ROBO2: variants seen among roughly 807,000 people sequenced by gnomAD.
ROBO2 encodes roundabout homolog 2.
A neutral mutation model predicts 160.8 loss-of-function variants in ROBO2; 53 were observed. The observed-to-expected ratio is 0.33, with a 90% CI of 0.26 to 0.41. ROBO2 has a LOEUF of 0.41. Ranked by LOEUF, ROBO2 falls within the 10% of genes least tolerant of loss-of-function variation. ROBO2 has a pLI of 1.00. For synonymous variants in ROBO2, 664 were observed against 611.7 expected, an observed-to-expected ratio of 1.09 and a Z score of -1.26; for missense variants, 1,577 against 1,722.4, an observed-to-expected ratio of 0.92 and a Z score of 1.49.
intron 2 of ROBO2, among the ~76,000 whole-genome samples, chr3:77,243,756 C>T (rs1334036519): frequency 1.3e-5 from 2 of 152,170 alleles, no homozygotes; most frequent in East Asian, 3.8e-4. Flanking sequence ...TGATCTATGA[C>T]ACAGGTTAGT....
intron 2 of ROBO2, chr3:76,434,540 TG>T: frequency 1.9e-6 from 3 of 1,581,590 alleles, no homozygotes; most frequent in Non-Finnish European, 2.6e-6. Context: ...GCATGTAGAC[TG>T]GGTCAAAGCT....
chr3:77,197,099 T>C (rs1579876357), intron 2 of ROBO2, among the ~76,000 whole-genome samples: 1 of 152,200 alleles, frequency 6.6e-6, no homozygotes, highest in Non-Finnish European at 1.5e-5. Context: ...AAATATTTTA[T>C]GGAATCATGA....
intron 2 of ROBO2, among the ~76,000 whole-genome samples, chr3:77,116,536 G>A (rs147995589): frequency 0.016 from 2,410 of 151,684 alleles, 38 homozygotes; most frequent in Non-Finnish European, 0.024. Flanking sequence ...CCTTCAGGGT[G>A]TTACTTGCCA....
intron 2 of ROBO2, among the ~76,000 whole-genome samples, chr3:76,097,375 C>T (rs1055281403): frequency 6.6e-6 from 1 of 152,094 alleles, no homozygotes; most frequent in Non-Finnish European, 1.5e-5. Flanking sequence ...AGCAGGGGCT[C>T]CTGCTGAGAA....
At chr3:76,841,078 A>G (rs1000884593) in intron 2 of ROBO2, among the ~76,000 whole-genome samples, 1 of 152,144 alleles carries the variant, frequency 6.6e-6, no homozygotes, top group African/African-American at 2.4e-5. Context: ...AATTCTCCAA[A>G]CACAAATAGG....
At chr3:77,130,334 A>C (rs1007100335) in intron 2 of ROBO2, among the ~76,000 whole-genome samples, 1 of 152,152 alleles carries the variant, frequency 6.6e-6, no homozygotes, top group Non-Finnish European at 1.5e-5. Flanking sequence ...CTGCTTCTTT[A>C]CGACACATTT....
intron 2 of ROBO2, among the ~76,000 whole-genome samples, chr3:76,436,350 C>A (rs796985201): frequency 2.6e-4 from 39 of 152,336 alleles, no homozygotes; most frequent in African/African-American, 9.4e-4. Flanking sequence ...CCTTCCCTGC[C>A]AGGTACCTGT....
At chr3:75,935,850 C>T (rs1001932362) in intron 1 of ROBO2, among the ~76,000 whole-genome samples, 5 of 152,180 alleles carry the variant, frequency 3.3e-5, no homozygotes, top group African/African-American at 7.2e-5. Flanking sequence ...GCTTTGAAAT[C>T]GTCCTGTTTT....
At chr3:76,148,782 T>C (rs1429217955) in intron 2 of ROBO2, among the ~76,000 whole-genome samples, 1 of 152,148 alleles carries the variant, frequency 6.6e-6, no homozygotes, top group African/African-American at 2.4e-5. Context: ...TCTCCATGGC[T>C]TTCCCAATCT....
intron 2 of ROBO2, among the ~76,000 whole-genome samples, chr3:77,197,449 G>T (rs1430495673): frequency 1.3e-5 from 2 of 152,154 alleles, no homozygotes; most frequent in Non-Finnish European, 1.5e-5. Context: ...AAAAGAGACT[G>T]GGTAAAATAA....
At chr3:76,705,648 T>C (rs2093145752) in intron 2 of ROBO2, among the ~76,000 whole-genome samples, 1 of 152,108 alleles carries the variant, frequency 6.6e-6, no homozygotes, top group African/African-American at 2.4e-5. Context: ...CTATACAAGC[T>C]CTTCTCATAA....
intron 25 of ROBO2, among the ~76,000 whole-genome samples, chr3:77,645,570 T>C (rs1180578083): frequency 6.6e-6 from 1 of 152,142 alleles, no homozygotes; most frequent in Non-Finnish European, 1.5e-5. Context: ...CAGAAACATA[T>C]TTGCTGAATA....
chr3:77,565,608 T>A (rs986169879), intron 12 of ROBO2, among the ~76,000 whole-genome samples: 7 of 152,074 alleles, frequency 4.6e-5, no homozygotes, highest in Admixed American at 1.3e-4. Flanking sequence ...AGGCTCAAAT[T>A]CAAACGCTCT....
chr3:76,498,568 CATA>C (rs1423926090), intron 2 of ROBO2, among the ~76,000 whole-genome samples: 1 of 151,604 alleles, frequency 6.6e-6, no homozygotes, highest in Non-Finnish European at 1.5e-5. Context: ...GCAAGAAATA[CATA>C]ATTTTTGTCA....
intron 2 of ROBO2, among the ~76,000 whole-genome samples, chr3:77,296,816 T>C (rs904320369): frequency 2.6e-5 from 4 of 152,130 alleles, no homozygotes; most frequent in Admixed American, 2.6e-4. Flanking sequence ...ACTGAATAGC[T>C]GGCCAAGAAG....
intron 2 of ROBO2, among the ~76,000 whole-genome samples, chr3:76,372,841 C>T (rs1266591489): frequency 1.3e-5 from 2 of 151,874 alleles, no homozygotes; most frequent in African/African-American, 4.8e-5. Context: ...CTAACCCTTC[C>T]CCAGCCTCAC....
intron 2 of ROBO2, among the ~76,000 whole-genome samples, chr3:76,748,207 C>G (rs1190375724): frequency 6.6e-6 from 1 of 151,760 alleles, no homozygotes; most frequent in Non-Finnish European, 1.5e-5. Flanking sequence ...ACAGAAGGTT[C>G]TATTATTGAA....
intron 2 of ROBO2, among the ~76,000 whole-genome samples, chr3:76,876,376 TA>T (rs1337379512): frequency 6.6e-6 from 1 of 152,180 alleles, no homozygotes; most frequent in Admixed American, 6.5e-5. Flanking sequence ...CTTTGACTTA[TA>T]TAAAGAGTAT....
At chr3:77,441,751 T>A (rs546114042) in intron 2 of ROBO2, among the ~76,000 whole-genome samples, 1 of 152,284 alleles carries the variant, frequency 6.6e-6, no homozygotes, top group African/African-American at 2.4e-5. Context: ...AAAAACCTGC[T>A]AGTTTCTAAA....
Sources: gnomAD v4.1 joint callset for allele counts (sites outside exome capture counted in the v4.1 genomes callset) on GRCh38, gnomAD v4.1.1 for gene constraint, MANE v1.5 for transcripts, NCBI Gene and HGNC (gene_info 2026-07-23, HGNC 2026-07-21) for gene names.